Variants in SDR16C5 observed in about 807,000 individuals in gnomAD.
SDR16C5 encodes short chain dehydrogenase/reductase family 16C member 5, also known as epidermal retinol dehydrogenase 2.
Under a neutral mutation model 27.7 loss-of-function variants are expected in SDR16C5, and 20 were observed. That is an observed-to-expected ratio of 0.72 (90% confidence interval 0.51 to 1.05). The LOEUF is 1.05. SDR16C5 is among the 50% of genes least tolerant of loss of function. SDR16C5 has a pLI of 0.00. For missense variants in SDR16C5, 374 were observed against 366.3 expected (o/e 1.02, Z -0.17); for synonymous variants, 139 against 132.3 (o/e 1.05, Z -0.35).
Position 56,316,004 on chromosome 8 carries a change from A to C in SDR16C5, c.333+11T>G, listed in dbSNP as rs1815183535. ...TGTATCAAATTATAATAGTAAACACACAAGAGTTACCTGGTCGGCTACTCT... is the reference window on the plus strand; with the variant it reads ...TGTATCAAATTATAATAGTAAACACCCAAGAGTTACCTGGTCGGCTACTCT... On this transcript the variant is annotated intron_variant, in intron 2 of 6. Coordinates refer to ENST00000303749, the MANE Select transcript of SDR16C5 (RefSeq NM_138969.4). 6.3e-7 allele frequency: 1 copy of C among 1,584,758 alleles called. No individual in the cohort carries two copies. The highest frequency in any genetic ancestry group is 1.7e-5 in the Admixed American group (1 of 59,442).
intron 2 of SDR16C5, among the ~76,000 whole-genome samples, chr8:56,315,594 T>C (rs1267573729): frequency 6.6e-6 from 1 of 152,184 alleles, no homozygotes; most frequent in Admixed American, 6.5e-5. Flanking sequence ...CGAGTCCTTA[T>C]TCTTAAAGAA....
chr8:56,305,649 T>A lies in SDR16C5; in HGVS notation c.784A>T (p.Lys262Ter). The change falls in exon 6 of 7, where the codon AAA (lysine) becomes TAA (stop). Residue 262 changes from lysine to a stop codon, truncating the protein, a stop_gained. Transcript: ENST00000303749. LOFTEE classifies it high-confidence loss of function. ...EKIVEAILQE[K>*]MYLYMPKLLY... ...AACTTTGGCATATACAAGTACATTT[T>A]TTCTTGTAGAATAGCTTCTACTATT... 1 of 1,599,684 alleles carries A rather than the reference T, an allele frequency of 6.3e-7. No individual in the cohort carries two copies. Among genetic ancestry groups the A allele is most frequent in the South Asian group, 1.2e-5 (1 of 86,346 alleles).
chr8:56,315,059 A>C (rs556716346), intron 2 of SDR16C5, among the ~76,000 whole-genome samples: 1 of 152,144 alleles, frequency 6.6e-6, no homozygotes, highest in Non-Finnish European at 1.5e-5. Context: ...CCTGACCAAC[A>C]TGGAGAAACC....
chr8:56,303,881 C>A, intron 6 of SDR16C5: 2 of 687,696 alleles, frequency 2.9e-6, no homozygotes, highest in Non-Finnish European at 2.7e-6. Flanking sequence ...GTGCATTACA[C>A]GAATCTACAA....
Position 56,306,691 on chromosome 8 carries a change from T to C in SDR16C5, c.695A>G (p.Glu232Gly), listed in dbSNP as rs1245208494. Residue 232 changes from glutamate (E) to glycine (G), a missense_variant, in exon 5 of 7, where the codon GAA (glutamate) becomes GGA (glycine). Coordinates refer to ENST00000303749, the MANE Select transcript of SDR16C5 (RefSeq NM_138969.4). ...CPFFIKTGMF[E>G]GCTTGCPSLL... ...ACATACTTACCCTGTAGTACAACCT[T>C]CAAACATTCCAGTTTTTATAAAAAA... 1.2e-6 allele frequency: 2 copies of C among 1,612,940 alleles called. No individual in the cohort carries two copies. Among genetic ancestry groups the C allele is most frequent in the Admixed American group, 1.7e-5 (1 of 59,868 alleles).
chr8:56,316,021 G>C lies in SDR16C5; in HGVS notation c.327C>G (p.Ala109=). ...GTAAACACACAAGAGTTACCTGGTCGGCTACTCTATACACTCCTTCCTTTT... is the reference window on the plus strand; with the variant it reads ...GTAAACACACAAGAGTTACCTGGTCCGCTACTCTATACACTCCTTCCTTTT... The part of the protein sequence containing the change: ...CSQKEGVYRV[A]DQVKKEVGDV... The change falls in exon 2 of 7, where the codon GCC becomes GCG. Residue 109 remains alanine (A), a synonymous_variant. Transcript: ENST00000303749. 6.2e-7 allele frequency: 1 copy of C among 1,608,588 alleles called. No individual in the cohort carries two copies. Among genetic ancestry groups the C allele is most frequent in the South Asian group, 1.1e-5 (1 of 90,736 alleles).
At chr8:56,304,214 T>C (rs1345593450) in intron 6 of SDR16C5, 1 of 595,374 alleles carries the variant, frequency 1.7e-6, no homozygotes, top group Non-Finnish European at 3.0e-6. Context: ...GGAAGTGAGG[T>C]ATAATATCTA....
chr8:56,312,715 T>G (rs919440630), intron 2 of SDR16C5, among the ~76,000 whole-genome samples: 1 of 149,964 alleles, frequency 6.7e-6, no homozygotes. Context: ...AAAAAATAAA[T>G]AAAGAAATAA....
In SDR16C5 at chr8:56,309,019, T is replaced by C; in HGVS notation, c.474A>G (p.Lys158=). Residue 158 remains lysine (K), a synonymous_variant, in exon 4 of 7, where the codon AAA becomes AAG. Transcript: ENST00000303749. ...TAGCAATCATAGCAGGTAGAAAGGC[T>C]TTATAAGTCTAAGAATACAAAGGAA... ...VNFKAHLWTY[K]AFLPAMIAND... 6.2e-7 allele frequency: 1 copy of C among 1,603,448 alleles called. No homozygotes were observed. The highest frequency in any genetic ancestry group is 8.5e-7 in the Non-Finnish European group (1 of 1,175,636).
intron 6 of SDR16C5, chr8:56,303,814 A>G: frequency 1.7e-6 from 1 of 603,572 alleles, no homozygotes; most frequent in South Asian, 2.0e-5. Flanking sequence ...ATAATCTGCC[A>G]TCTATTAAGC....
In SDR16C5 at chr8:56,312,210, G is replaced by C; in HGVS notation, c.412C>G (p.Pro138Ala). 1.2e-6 allele frequency: 2 copies of C among 1,612,040 alleles called. No individual in the cohort carries two copies. Among genetic ancestry groups the C allele is most frequent in the Non-Finnish European group, 1.7e-6 (2 of 1,178,104 alleles). ...AATGACTTTTCCATAAGCTCATCTG[G>C]ACAGTCAAGGAACTTTTTGCCTGTT... ...IVTGKKFLDC[P>A]DELMEKSFDV... The change falls in exon 3 of 7, where the codon CCA (proline) becomes GCA (alanine). Residue 138 changes from proline (P) to alanine (A), a missense_variant. By Grantham distance (27) the Pro-to-Ala change is conservative (BLOSUM62 -1). Transcript: ENST00000303749.
chr8:56,308,515 A>G (rs963678621), intron 4 of SDR16C5, among the ~76,000 whole-genome samples: 1 of 152,200 alleles, frequency 6.6e-6, no homozygotes, highest in African/African-American at 2.4e-5. Context: ...AGGTATCTTG[A>G]GGTGTAGAAA....
intron 2 of SDR16C5, among the ~76,000 whole-genome samples, chr8:56,315,577 T>C (rs1295940582): frequency 6.6e-6 from 1 of 152,198 alleles, no homozygotes; most frequent in African/African-American, 2.4e-5. Flanking sequence ...TTAATGTCTC[T>C]GTATCTCGAG....
At chr8:56,305,982 C>A (rs1175111817) in intron 5 of SDR16C5, among the ~76,000 whole-genome samples, 5 of 152,140 alleles carry the variant, frequency 3.3e-5, no homozygotes, top group Non-Finnish European at 7.3e-5. Context: ...CCATATTAAA[C>A]AAATATTCCA....
At chr8:56,317,975 T>C (rs918412301) in intron 1 of SDR16C5, among the ~76,000 whole-genome samples, 1 of 152,204 alleles carries the variant, frequency 6.6e-6, no homozygotes, top group Non-Finnish European at 1.5e-5. Flanking sequence ...CAGATCGTTA[T>C]AAGCCATAGT....
At chr8:56,309,178 A>C in intron 3 of SDR16C5, 151 bp from the exon 4 acceptor site, 1 of 931,938 alleles carries the variant, frequency 1.1e-6, no homozygotes, top group Non-Finnish European at 1.4e-6. Context: ...ACATCTGGAA[A>C]GTAATCATTT....
In SDR16C5 at chr8:56,306,698, T is replaced by A; in HGVS notation, c.688A>T (p.Met230Leu). 2 of 1,613,338 alleles carry A rather than the reference T, an allele frequency of 1.2e-6. No individual in the cohort carries two copies. The highest frequency in any genetic ancestry group is 1.7e-6 in the Non-Finnish European group (2 of 1,179,790). The stretch of plus-strand genomic sequence containing the variant: ...TACCCTGTAGTACAACCTTCAAACA[T>A]TCCAGTTTTTATAAAAAAGGGGCAC... ...IVCPFFIKTG[M>L]FEGCTTGCPS... is the part of the protein sequence containing the mutation. Residue 230 changes from methionine to leucine, a missense_variant, in exon 5 of 7, where the codon ATG (methionine) becomes TTG (leucine). Met to Leu is a conservative substitution (Grantham distance 15). Transcript: ENST00000303749.
At chr8:56,314,234 T>G (rs1057229885) in intron 2 of SDR16C5, among the ~76,000 whole-genome samples, 4 of 152,100 alleles carry the variant, frequency 2.6e-5, no homozygotes, top group Non-Finnish European at 5.9e-5. Context: ...GTACTTTCCT[T>G]TCTATCCAGA....
Position 56,305,662 on chromosome 8 carries a change from A to G in SDR16C5, c.771T>C (p.Ala257=). 1 of 1,602,392 alleles carries G rather than the reference A, an allele frequency of 6.2e-7. No homozygotes were observed. Among genetic ancestry groups the G allele is most frequent in the African/African-American group, 1.3e-5 (1 of 74,578 alleles). Residue 257 remains alanine, a synonymous_variant, in exon 6 of 7, where the codon GCT becomes GCC. Transcript: ENST00000303749. The part of the protein sequence containing the change: ...PKYAVEKIVE[A]ILQEKMYLYM... ...ACAAGTACATTTTTTCTTGTAGAAT[A>G]GCTTCTACTATTTTTTCAACTGCAT...
Sources: gnomAD v4.1 joint callset for allele counts (sites outside exome capture counted in the v4.1 genomes callset) on GRCh38, gnomAD v4.1.1 for gene constraint, MANE v1.5 for transcripts, NCBI Gene and HGNC (gene_info 2026-07-23, HGNC 2026-07-21) for gene names.